TNS3: variants seen among roughly 807,000 people sequenced by gnomAD.
The protein encoded by TNS3 is tensin-3.
A neutral mutation model predicts 140.9 loss-of-function variants in TNS3; 45 were observed. The observed-to-expected ratio is 0.32, with a 90% confidence interval of 0.25 to 0.41. The LOEUF is 0.41. Ranked by LOEUF, TNS3 falls within the 10% of genes least tolerant of loss-of-function variation. The probability of loss-of-function intolerance (pLI) is 1.00; values close to 1 mark genes in which losing one functional copy is unlikely to be tolerated. For missense variants in TNS3, 1,716 were observed against 1,906.7 expected (o/e 0.90, Z 1.86); for synonymous variants, 815 against 788.4 (o/e 1.03, Z -0.56).
intron 17 of TNS3, among the ~76,000 whole-genome samples, chr7:47,350,281 A>T (rs1026557098): frequency 6.6e-5 from 10 of 152,168 alleles, no homozygotes; most frequent in Non-Finnish European, 4.4e-5. Flanking sequence ...ACATGTCCTG[A>T]TGGGGCAGCC....
At chr7:47,336,305 C>T (rs1242742226) in intron 20 of TNS3, among the ~76,000 whole-genome samples, 3 of 152,062 alleles carry the variant, frequency 2.0e-5, no homozygotes, top group South Asian at 2.1e-4. Flanking sequence ...TAAACAATCC[C>T]GCCCTGGCAG....
At chr7:47,460,521 AC>A (rs1796446666) in intron 4 of TNS3, among the ~76,000 whole-genome samples, 1 of 152,192 alleles carries the variant, frequency 6.6e-6, no homozygotes. Flanking sequence ...GCCAGGAGCA[AC>A]CTTCAGCTCC....
chr7:47,551,603 C>T (rs79590180), intron 1 of TNS3, among the ~76,000 whole-genome samples: 2,076 of 152,332 alleles, frequency 0.014, 43 homozygotes, highest in African/African-American at 0.047. Flanking sequence ...AGTCATTGGA[C>T]AGTCTACAAT....
intron 4 of TNS3, among the ~76,000 whole-genome samples, chr7:47,480,423 A>G (rs1221082304): frequency 1.3e-5 from 2 of 152,156 alleles, no homozygotes; most frequent in Admixed American, 1.3e-4. Flanking sequence ...GTGAGAGAAG[A>G]GGGTCCTGTA....
chr7:47,307,114 A>C (rs975019922), intron 20 of TNS3, among the ~76,000 whole-genome samples: 1 of 152,200 alleles, frequency 6.6e-6, no homozygotes, highest in African/African-American at 2.4e-5. Flanking sequence ...CGTCCATGAA[A>C]CCATCATCAT....
Position 47,369,325 on chromosome 7 carries a change from G to A in TNS3, c.1321C>T (p.Leu441Phe), listed in dbSNP as rs758069963. 3.7e-6 allele frequency: 6 copies of A among 1,614,040 alleles called. No individual in the cohort carries two copies. Among genetic ancestry groups the A allele is most frequent in the Non-Finnish European group, 5.1e-6 (6 of 1,180,054 alleles). Residue 441 changes from leucine to phenylalanine, a missense_variant, in exon 17 of 31, where the codon CTC (leucine) becomes TTC (phenylalanine). Transcript: ENST00000311160. ...GFGLEDPGSS[L>F]KEMTDARSKY... is the part of the protein sequence containing the mutation. ...CTTCGAGCATCAGTCATTTCCTTGA[G>A]GGAGCTTCCAGGATCTTCCAGGCCA... is the stretch of plus-strand genomic sequence containing the variant.
intron 27 of TNS3, among the ~76,000 whole-genome samples, chr7:47,288,249 T>C (rs773158686): frequency 2.0e-5 from 3 of 152,112 alleles, no homozygotes; most frequent in African/African-American, 7.2e-5. Context: ...AGCTGCCAAC[T>C]TGGGTCCTCT....
intron 2 of TNS3, among the ~76,000 whole-genome samples, chr7:47,515,030 T>C (rs1245008065): frequency 6.6e-6 from 1 of 152,070 alleles, no homozygotes; most frequent in Non-Finnish European, 1.5e-5. Context: ...TTTTGAGGAG[T>C]GTAAGAAAAA....
At chr7:47,291,262 C>T (rs1022424687) in intron 27 of TNS3, among the ~76,000 whole-genome samples, 1 of 152,106 alleles carries the variant, frequency 6.6e-6, no homozygotes, top group African/African-American at 2.4e-5. Context: ...GATTACCTGT[C>T]ATTATGCATT....
At chr7:47,337,101 C>T (rs1292265132) in intron 20 of TNS3, among the ~76,000 whole-genome samples, 5 of 152,198 alleles carry the variant, frequency 3.3e-5, no homozygotes, top group Non-Finnish European at 7.3e-5. Context: ...TAGCAGAAAC[C>T]GTGTTAGGCC....
rs73326537 is a variant in TNS3, at chr7:47,374,368, G to T, written c.1025-4747C>A. Among the ~76,000 whole-genome samples, 692 of 152,240 alleles carry T rather than the reference G, an allele frequency of 4.5e-3. 4 individuals are homozygous for T. Among genetic ancestry groups the T allele is most frequent in the African/African-American group, 0.016 (664 of 41,524 alleles). ...CTGCCACCTGTGAGGCTGGCGTTTC[G>T]TTGCTCAAACCCACACAGCTCCAAG... is the stretch of plus-strand genomic sequence containing the variant. On this transcript the variant is annotated intron_variant, in intron 16 of 30. Coordinates refer to ENST00000311160, the MANE Select transcript of TNS3 (RefSeq NM_022748.12).
At chr7:47,370,949 AACGTGTT>A (rs1221550363) in intron 16 of TNS3, among the ~76,000 whole-genome samples, 5 of 152,194 alleles carry the variant, frequency 3.3e-5, no homozygotes, top group African/African-American at 4.8e-5. Context: ...ACACTGGGAC[AACGTGTT>A]GGGACAGAGT....
At chr7:47,400,962 C>G (rs539275828) in intron 13 of TNS3, 48 bp from the exon 14 acceptor site, 1 of 1,609,624 alleles carries the variant, frequency 6.2e-7, no homozygotes, top group Non-Finnish European at 8.5e-7. Context: ...GCGGGGGACA[C>G]ACGTTCCCGG....
chr7:47,329,907 G>A (rs1345442084), intron 20 of TNS3, among the ~76,000 whole-genome samples: 1 of 152,164 alleles, frequency 6.6e-6, no homozygotes, highest in East Asian at 1.9e-4. Context: ...AGGGCATGCT[G>A]CTTCTGTGCC....
At chr7:47,318,897 A>G (rs1787566119) in intron 20 of TNS3, among the ~76,000 whole-genome samples, 2 of 152,256 alleles carry the variant, frequency 1.3e-5, no homozygotes, top group African/African-American at 4.8e-5. Flanking sequence ...TTCCAGTCTC[A>G]TAACTGGACT....
chr7:47,371,526 G>A (rs2151165756), intron 16 of TNS3, among the ~76,000 whole-genome samples: 1 of 152,296 alleles, frequency 6.6e-6, no homozygotes, highest in African/African-American at 2.4e-5. Flanking sequence ...CACACACCTG[G>A]AGGCTCTGTC....
At position 47,439,780 on chromosome 7, in the gene TNS3, G is replaced by A. The variant is rs1795371677; in HGVS notation, c.-22-122C>T. ...GGGTGTTCACATCAGCACCTGGGCGGCCAGCTACGGGAATTTACAGTGTGT... is the reference window on the plus strand; with the variant it reads ...GGGTGTTCACATCAGCACCTGGGCGACCAGCTACGGGAATTTACAGTGTGT... On this transcript the variant is annotated intron_variant, in intron 5 of 30. Transcript: ENST00000311160. 5.1e-5 allele frequency: 50 copies of A among 984,986 alleles called. No homozygotes were observed. In the South Asian group the frequency reaches 7.1e-4, roughly 14 times the overall value. The allele number at this position is 984,986 out of a possible 1,614,324, so 61.0% of individuals were successfully genotyped here.
chr7:47,437,059 A>T (rs78708206), intron 7 of TNS3, among the ~76,000 whole-genome samples: 6,100 of 152,226 alleles, frequency 0.04, 168 homozygotes, highest in Non-Finnish European at 0.061. Context: ...AGTACAGGAG[A>T]TCTCTGTATT....
intron 1 of TNS3, among the ~76,000 whole-genome samples, chr7:47,543,469 G>T (rs1342301918): frequency 6.6e-6 from 1 of 152,214 alleles, no homozygotes; most frequent in Non-Finnish European, 1.5e-5. Flanking sequence ...GGGGGCTTTC[G>T]CCCAGGCTCT....
Sources: gnomAD v4.1 joint callset for allele counts (sites outside exome capture counted in the v4.1 genomes callset) on GRCh38, gnomAD v4.1.1 for gene constraint, MANE v1.5 for transcripts, NCBI Gene and HGNC (gene_info 2026-07-23, HGNC 2026-07-21) for gene names.